DIP2B: variants seen among roughly 807,000 people sequenced by gnomAD.
DIP2B encodes the protein disco-interacting protein 2 homolog B.
Under a neutral mutation model 198.0 loss-of-function variants are expected in DIP2B, and 76 were observed. The ratio of observed to expected loss-of-function variants is 0.38; its 90% CI spans 0.32 to 0.46. DIP2B has a LOEUF of 0.46. Ranked by LOEUF, DIP2B falls within the 20% of genes least tolerant of loss-of-function variation. The pLI is 0.99. For synonymous variants in DIP2B, 701 were observed against 739.1 expected, an observed-to-expected ratio of 0.95 and a Z score of 0.84; for missense variants, 1,559 against 1,978.4, an observed-to-expected ratio of 0.79 and a Z score of 4.02.
chr12:50,540,053 GTTTTTTTTTTTT>G (rs60978324), intron 1 of DIP2B, among the ~76,000 whole-genome samples: 1,574 of 44,236 alleles, frequency 0.036, 48 homozygotes, highest in African/African-American at 0.15. Flanking sequence ...TTGTTTCTGT[GTTTTTTTTTTTT>G]TTTTTTTTTT....
At chr12:50,574,360 T>C (rs899636928) in intron 1 of DIP2B, among the ~76,000 whole-genome samples, 1 of 152,216 alleles carries the variant, frequency 6.6e-6, no homozygotes, top group Non-Finnish European at 1.5e-5. Flanking sequence ...GGCCATAATA[T>C]TGCTTTTATT....
chr12:50,733,262 T>C (rs1253267414), intron 32 of DIP2B, among the ~76,000 whole-genome samples: 2 of 151,210 alleles, frequency 1.3e-5, no homozygotes, highest in African/African-American at 4.8e-5. Context: ...TTCTTTTTTT[T>C]TTTTTTTTTC....
intron 33 of DIP2B, 145 bp downstream of exon 33, chr12:50,734,341 T>C (rs146592736): frequency 1.3e-5 from 10 of 753,580 alleles, no homozygotes; most frequent in African/African-American, 1.1e-4. Flanking sequence ...GTTTTTATCA[T>C]TAATACATAA....
Position 50,558,078 on chromosome 12 carries a change from G to A in DIP2B, c.100+52838G>A, listed in dbSNP as rs117638538. ...AACACAATGCAATATAAATTATCACGTTTCAGCTGAGCGCGGTAGCGTCCT... is the reference window on the plus strand; with the variant it reads ...AACACAATGCAATATAAATTATCACATTTCAGCTGAGCGCGGTAGCGTCCT... On this transcript the variant is annotated intron_variant, in intron 1 of 37. Coordinates refer to ENST00000301180, the MANE Select transcript of DIP2B (RefSeq NM_173602.3). Among the ~76,000 whole-genome samples the A allele has an allele frequency of 2.7e-3, 251 of 91,376 alleles. 4 individuals are homozygous for A. The East Asian group carries it at 0.07, about 26-fold the overall frequency. 59.9% of individuals were successfully genotyped at this position (91,376 alleles called of 152,430 possible).
chr12:50,681,984 G>T (rs1378129010), intron 9 of DIP2B, among the ~76,000 whole-genome samples: 2 of 152,188 alleles, frequency 1.3e-5, no homozygotes, highest in African/African-American at 4.8e-5. Context: ...TGAGTTAACA[G>T]AATTTGAAAG....
rs781642670 is a variant in DIP2B at position 50,706,675 on chromosome 12, A to G, written c.2534+10A>G. On this transcript the variant is annotated intron_variant, in intron 21 of 37. Coordinates refer to ENST00000301180, the MANE Select transcript of DIP2B (RefSeq NM_173602.3). ...CTGTTTATAGAGGAAGGTGAGTAGTACAAAATTCAAATGTTAGCACCTTTT... is the reference window on the plus strand; with the variant it reads ...CTGTTTATAGAGGAAGGTGAGTAGTGCAAAATTCAAATGTTAGCACCTTTT... The G allele has an allele frequency of 6.2e-7, 1 of 1,613,570 alleles. No homozygotes were observed. Among genetic ancestry groups the G allele is most frequent in the Non-Finnish European group, 8.5e-7 (1 of 1,179,730 alleles).
At position 50,671,212 on chromosome 12, in the gene DIP2B, GGCTCTCTGAGACGCCAAGCTGC is replaced by G; in HGVS notation, c.463_484del (p.Arg155LeufsTer43). The G allele has an allele frequency of 6.2e-7, 1 of 1,614,146 alleles. No individual in the cohort carries two copies. The highest frequency in any genetic ancestry group is 8.5e-7 in the Non-Finnish European group (1 of 1,180,018). ...CACATCTTCGGCCTCTGAGGATGAG[GGCTCTCTGAGACGCCAAGCTGC>G]GCTCTCTGCTGCCTTGCAACAGAGC... On this transcript the variant is annotated frameshift_variant, in exon 5 of 38. Transcript: ENST00000301180. LOFTEE classifies it high-confidence loss of function.
intron 26 of DIP2B, among the ~76,000 whole-genome samples, chr12:50,722,238 TTTG>T (rs1269645591): frequency 2.7e-5 from 4 of 150,460 alleles, no homozygotes; most frequent in African/African-American, 7.4e-5. Context: ...GTGATTTTTT[TTTG>T]TTTGTTTGTT....
Position 50,732,385 on chromosome 12 carries a change from C to T in DIP2B, c.3830C>T (p.Ser1277Phe). The T allele has an allele frequency of 1.2e-6, 2 of 1,614,242 alleles. No individual in the cohort carries two copies. The highest frequency in any genetic ancestry group is 1.7e-6 in the Non-Finnish European group (2 of 1,180,044). ...TTGCAGACCAGAGGGATCAACCTCT[C>T]CTGCGTCCGGACCTGTGTGGTGGTG... ...EVLKTRGINL[S>F]CVRTCVVVAE... is the part of the protein sequence containing the mutation. The change falls in exon 32 of 38, where the codon TCC becomes TTC. Residue 1277 changes from serine (S) to phenylalanine (F), a missense_variant. Transcript: ENST00000301180.
chr12:50,642,210 C>T (rs984908654), intron 3 of DIP2B, among the ~76,000 whole-genome samples: 1 of 152,056 alleles, frequency 6.6e-6, no homozygotes. Context: ...CAAAGACATC[C>T]AAGCTGAGTC....
At chr12:50,685,677 G>T (rs1939118718) in intron 10 of DIP2B, among the ~76,000 whole-genome samples, 156 bp from the exon 11 acceptor site, 2 of 152,226 alleles carry the variant, frequency 1.3e-5, no homozygotes, top group African/African-American at 4.8e-5. Context: ...TTATTTGGAA[G>T]AACACATTGT....
intron 2 of DIP2B, among the ~76,000 whole-genome samples, chr12:50,627,456 C>T (rs1216452618): frequency 6.6e-6 from 1 of 152,166 alleles, no homozygotes; most frequent in East Asian, 1.9e-4. Context: ...GCCTCAGCCT[C>T]CTGAGTAGCT....
At chr12:50,552,073 T>A (rs1958431480) in intron 1 of DIP2B, among the ~76,000 whole-genome samples, 1 of 152,168 alleles carries the variant, frequency 6.6e-6, no homozygotes, top group Non-Finnish European at 1.5e-5. Context: ...TTGTTATTAC[T>A]TGTTGTTTTT....
At chr12:50,631,227 C>T (rs1271666495) in intron 2 of DIP2B, among the ~76,000 whole-genome samples, 2 of 143,518 alleles carry the variant, frequency 1.4e-5, no homozygotes, top group Non-Finnish European at 1.5e-5. Flanking sequence ...CTCCTGGGTT[C>T]AAGCGATTTT....
chr12:50,532,803 C>T (rs1394099786), intron 1 of DIP2B, among the ~76,000 whole-genome samples: 1 of 152,118 alleles, frequency 6.6e-6, no homozygotes, highest in Non-Finnish European at 1.5e-5. Context: ...GGGCGCTGTC[C>T]TTGGGCTCTC....
intron 20 of DIP2B, among the ~76,000 whole-genome samples, chr12:50,704,701 A>G (rs994360481): frequency 6.6e-6 from 1 of 152,226 alleles, no homozygotes; most frequent in Non-Finnish European, 1.5e-5. Flanking sequence ...GTGGTGGCTC[A>G]TGCCTGTAAT....
At chr12:50,719,084 A>C (rs1359621567) in intron 25 of DIP2B, 49 bp downstream of exon 25, 1 of 1,576,210 alleles carries the variant, frequency 6.3e-7, no homozygotes, top group Admixed American at 1.8e-5. Flanking sequence ...CTATAGGACC[A>C]TCTTAGGCAC....
chr12:50,565,661 A>T (rs1055747173), intron 1 of DIP2B, among the ~76,000 whole-genome samples: 4 of 151,526 alleles, frequency 2.6e-5, no homozygotes, highest in African/African-American at 9.7e-5. Context: ...TGTTTTTATT[A>T]CTCTGCTTTG....
intron 1 of DIP2B, among the ~76,000 whole-genome samples, chr12:50,530,072 C>T (rs555461955): frequency 6.6e-6 from 1 of 151,972 alleles, no homozygotes; most frequent in Non-Finnish European, 1.5e-5. Flanking sequence ...GCCTTCCATT[C>T]CTCCATCACT....
Sources: allele counts gnomAD v4.1 joint callset (sites outside exome capture counted in the v4.1 genomes callset), GRCh38; gene constraint gnomAD v4.1.1; transcripts MANE v1.5; gene names NCBI Gene and HGNC (gene_info 2026-07-23, HGNC 2026-07-21).